SKIC3: variants seen among roughly 807,000 people sequenced by gnomAD.
SKIC3 encodes SKI3 subunit of superkiller complex.
the SKIC3 span, among the ~76,000 whole-genome samples, chr5:95,514,396 G>A: frequency 6.6e-6 from 1 of 152,018 alleles, no homozygotes; most frequent in Non-Finnish European, 1.5e-5. Flanking sequence ...TTTGGGGGAG[G>A]AAAGAACACT....
the SKIC3 span, among the ~76,000 whole-genome samples, chr5:95,528,344 C>A: frequency 6.6e-6 from 1 of 152,070 alleles, no homozygotes. Flanking sequence ...GAATTTAAAA[C>A]AGAACATATC....
At chr5:95,504,940 G>A in the SKIC3 span, among the ~76,000 whole-genome samples, 1 of 152,002 alleles carries the variant, frequency 6.6e-6, no homozygotes, top group Non-Finnish European at 1.5e-5. Flanking sequence ...GGGAGGCGGA[G>A]GTTGCAATGA....
the SKIC3 span, among the ~76,000 whole-genome samples, chr5:95,504,488 T>C: frequency 6.6e-6 from 1 of 151,896 alleles, no homozygotes. Context: ...TTGACTTTAA[T>C]ATGGATCTCT....
chr5:95,516,658 T>TA, the SKIC3 span: 1 of 1,613,232 alleles, frequency 6.2e-7, no homozygotes, highest in Non-Finnish European at 8.5e-7. Flanking sequence ...ATTGAAGTGT[T>TA]ACTCAATTCT....
chr5:95,490,004 T>G, the SKIC3 span, among the ~76,000 whole-genome samples: 1 of 152,222 alleles, frequency 6.6e-6, no homozygotes, highest in Admixed American at 6.5e-5. Flanking sequence ...AAAAAATGAT[T>G]AATAACCTAA....
the SKIC3 span, chr5:95,522,114 C>A: frequency 6.2e-7 from 1 of 1,613,770 alleles, no homozygotes; most frequent in African/African-American, 1.3e-5. Flanking sequence ...TGAGCTACAG[C>A]CTCCTTATAT....
chr5:95,520,163 A>G, the SKIC3 span, among the ~76,000 whole-genome samples: 1 of 151,902 alleles, frequency 6.6e-6, no homozygotes, highest in African/African-American at 2.4e-5. Flanking sequence ...TGACCTAACC[A>G]ATGAATTCAC....
the SKIC3 span, among the ~76,000 whole-genome samples, chr5:95,550,064 T>G: frequency 6.6e-6 from 1 of 152,116 alleles, no homozygotes; most frequent in East Asian, 1.9e-4. Flanking sequence ...CCCACTATTC[T>G]CCTCAATCTC....
At chr5:95,478,361 G>A in the SKIC3 span, 1 of 1,613,840 alleles carries the variant, frequency 6.2e-7, no homozygotes, top group Non-Finnish European at 8.5e-7. Flanking sequence ...CTGCCCCGTT[G>A]GGATGCCAAT....
chr5:95,476,196 A>G, the SKIC3 span, among the ~76,000 whole-genome samples: 1 of 152,154 alleles, frequency 6.6e-6, no homozygotes, highest in Non-Finnish European at 1.5e-5. Flanking sequence ...CTCCTCCCCA[A>G]CTCAAGTGCC....
chr5:95,471,040 G>C, the SKIC3 span, among the ~76,000 whole-genome samples: 37 of 152,036 alleles, frequency 2.4e-4, no homozygotes, highest in Non-Finnish European at 3.8e-4. Flanking sequence ...ACAAAAATTA[G>C]AGCAATTATC....
the SKIC3 span, among the ~76,000 whole-genome samples, chr5:95,515,591 C>T: frequency 6.6e-6 from 1 of 152,086 alleles, no homozygotes; most frequent in Non-Finnish European, 1.5e-5. Flanking sequence ...AAACCACATC[C>T]ATAGCTTATT....
chr5:95,502,390 A>G, the SKIC3 span, among the ~76,000 whole-genome samples: 1 of 152,236 alleles, frequency 6.6e-6, no homozygotes, highest in Non-Finnish European at 1.5e-5. Flanking sequence ...ATAGTATTAT[A>G]TAAGTAACCA....
At chr5:95,554,216 CA>C in the SKIC3 span, among the ~76,000 whole-genome samples, 6 of 149,416 alleles carry the variant, frequency 4.0e-5, no homozygotes, top group African/African-American at 1.2e-4. Context: ...TTATCTTAGG[CA>C]AAAAAAAACC....
the SKIC3 span, chr5:95,490,842 A>T: frequency 6.3e-7 from 1 of 1,597,140 alleles, no homozygotes; most frequent in Non-Finnish European, 8.6e-7. Flanking sequence ...AGCCGTTTGT[A>T]TTCTGGATTT....
chr5:95,491,108 G>C, the SKIC3 span: 1 of 1,579,184 alleles, frequency 6.3e-7, no homozygotes, highest in East Asian at 2.3e-5. Flanking sequence ...TCAAAAATGA[G>C]ATTAAGAGTT....
the SKIC3 span, among the ~76,000 whole-genome samples, chr5:95,508,774 C>T: frequency 6.6e-6 from 1 of 152,102 alleles, no homozygotes; most frequent in African/African-American, 2.4e-5. Context: ...TAATTTACTG[C>T]AAAATAATCA....
At chr5:95,526,780 T>C in the SKIC3 span, among the ~76,000 whole-genome samples, 32 of 152,286 alleles carry the variant, frequency 2.1e-4, no homozygotes, top group Non-Finnish European at 1.2e-4. Context: ...CTTTGTGTGA[T>C]GTTAGTAGCC....
chr5:95,475,043 T>C, the SKIC3 span, among the ~76,000 whole-genome samples: 10 of 152,198 alleles, frequency 6.6e-5, no homozygotes, highest in African/African-American at 1.2e-4. Flanking sequence ...GTTACAACTT[T>C]CCCCCAAATC....
Sources: allele counts gnomAD v4.1 joint callset (sites outside exome capture counted in the v4.1 genomes callset), GRCh38; gene constraint gnomAD v4.1.1; transcripts MANE v1.5; gene names NCBI Gene and HGNC (gene_info 2026-07-23, HGNC 2026-07-21).